Variants in FREM1 observed in about 807,000 individuals in gnomAD.
The protein encoded by FREM1 is FRAS1 related extracellular matrix 1.
FREM1 carries 220 observed loss-of-function variants against 210.1 expected under a neutral mutation model. The ratio of observed to expected loss-of-function variants is 1.05; its 90% CI spans 0.94 to 1.17. The LOEUF is 1.17. Among genes scored for constraint, FREM1 ranks in the 50% most tolerant of loss-of-function variants. The pLI, the probability that FREM1 is intolerant of heterozygous loss-of-function variation, is 0.00. For synonymous variants in FREM1, 1,189 were observed against 980.2 expected, an observed-to-expected ratio of 1.21 and a Z score of -3.98; for missense variants, 3,454 against 2,675.5, an observed-to-expected ratio of 1.29 and a Z score of -6.42.
intron 14 of FREM1, among the ~76,000 whole-genome samples, chr9:14,817,702 A>G (rs1820550998): frequency 6.6e-6 from 1 of 152,192 alleles, no homozygotes; most frequent in Non-Finnish European, 1.5e-5. Context: ...AACTATGGGG[A>G]AAAAGTCAGA....
At chr9:14,860,851 A>T (rs1829999167) in intron 3 of FREM1, among the ~76,000 whole-genome samples, 2 of 97,230 alleles carry the variant, frequency 2.1e-5, no homozygotes, top group African/African-American at 1.1e-4. Flanking sequence ...ATACATATAT[A>T]CGTATATATA....
chr9:14,768,394 T>C (rs57952165), intron 27 of FREM1, among the ~76,000 whole-genome samples: 1 of 151,722 alleles, frequency 6.6e-6, no homozygotes, highest in Non-Finnish European at 1.5e-5. Flanking sequence ...TGACATATTT[T>C]CCCATAAAGA....
rs990055695 is a variant in FREM1 at position 14,836,830 on chromosome 9, C to T, written c.1881+4617G>A. 5.3e-5 allele frequency among the ~76,000 whole-genome samples: 8 copies of T among 152,128 alleles called. No homozygotes were observed. Among genetic ancestry groups the T allele is most frequent in the Admixed American group, 3.3e-4 (5 of 15,274 alleles). ...GTAGGAAGTAGCCAGAAAGAGTCTT[C>T]GCCCAAAACCCCCTAACTGCAGTTA... On this transcript the variant is annotated intron_variant, in intron 10 of 36. Coordinates refer to ENST00000380880, the MANE Select transcript of FREM1 (RefSeq NM_001379081.2). This position sits in a 1 kb window ranked among gnomAD's most constrained non-coding sequence, Gnocchi z 4.9.
intron 1 of FREM1, among the ~76,000 whole-genome samples, chr9:14,885,809 ATAAC>A (rs774087507): frequency 2.0e-5 from 3 of 152,228 alleles, no homozygotes; most frequent in Non-Finnish European, 4.4e-5. Flanking sequence ...GCTAAATCAA[ATAAC>A]TAACATATCT....
chr9:14,887,793 C>A (rs1357942049), intron 1 of FREM1, among the ~76,000 whole-genome samples: 1 of 152,078 alleles, frequency 6.6e-6, no homozygotes, highest in Non-Finnish European at 1.5e-5. Context: ...CTAATTAGTT[C>A]TATTATTATT....
intron 35 of FREM1, among the ~76,000 whole-genome samples, chr9:14,741,183 A>T (rs1338886989): frequency 2.0e-5 from 3 of 152,218 alleles, no homozygotes; most frequent in African/African-American, 7.2e-5. Flanking sequence ...CCTGGTTAAT[A>T]TCCATTGATA....
intron 1 of FREM1, among the ~76,000 whole-genome samples, chr9:14,896,522 G>A (rs1312427746): frequency 7.0e-6 from 1 of 143,094 alleles, no homozygotes; most frequent in African/African-American, 2.6e-5. Context: ...TCCAGCCTGG[G>A]CCACAGAGCG....
At chr9:14,899,210 T>C (rs1031490606) in intron 1 of FREM1, among the ~76,000 whole-genome samples, 2 of 152,198 alleles carry the variant, frequency 1.3e-5, no homozygotes, top group African/African-American at 4.8e-5. Context: ...AGGGCCACCC[T>C]GGTGGCTCAC....
In FREM1 at chr9:14,842,318, A is replaced by G. The variant is rs1825832211; in HGVS notation, c.1736T>C (p.Ile579Thr). 1.3e-6 allele frequency: 2 copies of G among 1,549,986 alleles called. No individual in the cohort carries two copies. The highest frequency in any genetic ancestry group is 1.8e-6 in the Non-Finnish European group (2 of 1,142,148). ...EIMKKPGPGL[I>T]GYPVHGFLQR... ...GATCTTAACTGCCCAGAACTTACCT[A>G]TCAGTCCTGGCCCTGGCTTCTTCAT... is the stretch of plus-strand genomic sequence containing the variant. Residue 579 changes from isoleucine to threonine, a missense_variant and splice_region_variant, in exon 9 of 37, where the codon ATA (isoleucine) becomes ACA (threonine). Coordinates refer to ENST00000380880, the MANE Select transcript of FREM1 (RefSeq NM_001379081.2).
At chr9:14,755,470 C>T (rs1310592170) in intron 29 of FREM1, among the ~76,000 whole-genome samples, 1 of 152,148 alleles carries the variant, frequency 6.6e-6, no homozygotes, top group Non-Finnish European at 1.5e-5. Flanking sequence ...CTTCTCCAGG[C>T]CCATTGTATT....
chr9:14,785,461 A>AT (rs1462272909), intron 23 of FREM1, among the ~76,000 whole-genome samples: 3 of 152,198 alleles, frequency 2.0e-5, no homozygotes, highest in Admixed American at 2.0e-4. Context: ...TTCATGATAT[A>AT]TTTTTTAAAT....
intron 16 of FREM1, among the ~76,000 whole-genome samples, chr9:14,808,749 T>C (rs1818834500): frequency 6.6e-6 from 1 of 152,162 alleles, no homozygotes; most frequent in Non-Finnish European, 1.5e-5. Context: ...TTTTCACTGT[T>C]TAGGTCTTAC....
chr9:14,869,104 C>CA lies in FREM1; in HGVS notation c.-128_-127insT. 1 of 600,194 alleles carries CA rather than the reference C, an allele frequency of 1.7e-6. No individual in the cohort carries two copies. The highest frequency in any genetic ancestry group is 2.9e-6 in the Non-Finnish European group (1 of 349,830). The allele number at this position is 600,194 out of a possible 1,614,324, so 37.2% of individuals were successfully genotyped here. On this transcript the variant is annotated 5_prime_UTR_variant, in exon 2 of 37. The change abolishes the stop of an existing upstream ORF in the 5' untranslated region. Coordinates refer to ENST00000380880, the MANE Select transcript of FREM1 (RefSeq NM_001379081.2). ...AGGGTGAGGGGTCCTGACAATGTGC[C>CA]CCGAGATCTTAACATGCCCCTTTCA... is the stretch of plus-strand genomic sequence containing the variant.
chr9:14,784,254 G>A (rs1034347522), intron 24 of FREM1, 116 bp downstream of exon 24: 12 of 941,838 alleles, frequency 1.3e-5, no homozygotes, highest in African/African-American at 4.9e-5. Context: ...ACAGCGTGAT[G>A]TTATAAGATA....
At chr9:14,764,024 A>G (rs1408015716) in intron 27 of FREM1, among the ~76,000 whole-genome samples, 1 of 152,168 alleles carries the variant, frequency 6.6e-6, no homozygotes, top group East Asian at 1.9e-4. Flanking sequence ...TGCAGCTCCC[A>G]TAATTCCCAC....
chr9:14,861,350 CAT>C, intron 3 of FREM1, among the ~76,000 whole-genome samples: 1 of 125,164 alleles, frequency 8.0e-6, no homozygotes, highest in Admixed American at 7.9e-5. Context: ...CATATATATA[CAT>C]ATATACACAT....
intron 10 of FREM1, among the ~76,000 whole-genome samples, chr9:14,829,452 T>C (rs1224221829): frequency 6.6e-6 from 1 of 152,146 alleles, no homozygotes; most frequent in Non-Finnish European, 1.5e-5. Flanking sequence ...AAGCATATGT[T>C]GGAAACTTCA....
At chr9:14,887,214 TA>T (rs955146450) in intron 1 of FREM1, among the ~76,000 whole-genome samples, 3 of 152,174 alleles carry the variant, frequency 2.0e-5, no homozygotes, top group African/African-American at 7.2e-5. Flanking sequence ...AATCAAGACT[TA>T]GATAGTCTTT....
intron 4 of FREM1, among the ~76,000 whole-genome samples, chr9:14,858,607 T>G (rs1165405214): frequency 6.6e-6 from 1 of 152,126 alleles, no homozygotes; most frequent in African/African-American, 2.4e-5. Context: ...TTACTACTAT[T>G]GCTATGATTA....
Sources: allele counts gnomAD v4.1 joint callset (sites outside exome capture counted in the v4.1 genomes callset), GRCh38; gene constraint gnomAD v4.1.1; non-coding constraint Gnocchi (gnomAD v3.1); transcripts MANE v1.5; gene names NCBI Gene and HGNC (gene_info 2026-07-23, HGNC 2026-07-21).